GPR158: variants seen among roughly 807,000 people sequenced by gnomAD.
GPR158 encodes G protein-coupled receptor 158.
Under a neutral mutation model 78.2 loss-of-function variants are expected in GPR158, and 30 were observed. The observed-to-expected ratio is 0.38, with a 90% CI of 0.29 to 0.52. The LOEUF is 0.52. GPR158 is among the 20% of genes least tolerant of loss of function. The pLI, the probability that GPR158 is intolerant of heterozygous loss-of-function variation, is 0.83. For synonymous variants in GPR158, 581 were observed against 591.1 expected (o/e 0.98, Z 0.25); for missense variants, 1,463 against 1,523.5 (o/e 0.96, Z 0.66).
At chr10:25,477,480 A>G (rs142571640) in intron 5 of GPR158, among the ~76,000 whole-genome samples, 14 of 152,186 alleles carry the variant, frequency 9.2e-5, no homozygotes, top group Non-Finnish European at 1.6e-4. Flanking sequence ...CAACCCTGCA[A>G]TCTGCGTTTT....
intron 2 of GPR158, among the ~76,000 whole-genome samples, chr10:25,372,328 T>C (rs1834007465): frequency 6.6e-6 from 1 of 151,854 alleles, no homozygotes; most frequent in East Asian, 2.0e-4. Flanking sequence ...GAACTAGAAA[T>C]ACCATTTGAC....
chr10:25,530,780 A>C (rs182721421), intron 5 of GPR158, among the ~76,000 whole-genome samples: 53 of 152,322 alleles, frequency 3.5e-4, no homozygotes, highest in African/African-American at 1.2e-3. Flanking sequence ...ACTCCTTCTC[A>C]GTCACTCTCT....
At chr10:25,589,206 A>G (rs1837309519) in intron 8 of GPR158, 61 bp downstream of exon 8, 2 of 1,219,282 alleles carry the variant, frequency 1.6e-6, no homozygotes, top group African/African-American at 1.5e-5. Flanking sequence ...TGCTGTTTAA[A>G]TAACAAAATT....
chr10:25,383,056 G>C (rs1754254), intron 2 of GPR158, among the ~76,000 whole-genome samples: 97,990 of 151,868 alleles, frequency 0.65, 32,574 homozygotes, highest in Non-Finnish European at 0.73. Context: ...AGGCTGGTCT[G>C]GAACACCTGA....
chr10:25,421,791 T>C (rs1361990101), intron 4 of GPR158, among the ~76,000 whole-genome samples: 1 of 152,142 alleles, frequency 6.6e-6, no homozygotes, highest in Non-Finnish European at 1.5e-5. Context: ...ATTTTTTCCT[T>C]TTCTCCCCCT....
At chr10:25,534,299 T>G (rs1836462281) in intron 5 of GPR158, among the ~76,000 whole-genome samples, 1 of 152,170 alleles carries the variant, frequency 6.6e-6, no homozygotes, top group Admixed American at 6.5e-5. Flanking sequence ...CCTGACATCT[T>G]CATTCTTCCT....
chr10:25,428,726 C>G lies in GPR158; in HGVS notation c.1335+16253C>G, dbSNP rs183881183. 1.6e-4 allele frequency among the ~76,000 whole-genome samples: 24 copies of G among 151,998 alleles called. No homozygotes were observed. The East Asian group carries it at 4.2e-3, about 27-fold the overall frequency. The stretch of plus-strand genomic sequence containing the variant: ...ACTGCTTTCAGTTCCGTACCTTTGT[C>G]CTTATGGGGGTAAGAAGACAAGTAA... On this transcript the variant is annotated intron_variant, in intron 4 of 10. Transcript: ENST00000376351.
At chr10:25,308,141 TTTTTA>T (rs1210920709) in intron 2 of GPR158, among the ~76,000 whole-genome samples, 2 of 152,186 alleles carry the variant, frequency 1.3e-5, no homozygotes, top group African/African-American at 2.4e-5. Context: ...GGTGCTATCT[TTTTTA>T]TTTTATTATT....
chr10:25,196,234 A>C (rs1302444488), intron 1 of GPR158, among the ~76,000 whole-genome samples: 1 of 151,922 alleles, frequency 6.6e-6, no homozygotes, highest in Non-Finnish European at 1.5e-5. Flanking sequence ...TCCTTTAAAA[A>C]AAAAACTTCT....
At chr10:25,516,917 G>A (rs1836183209) in intron 5 of GPR158, among the ~76,000 whole-genome samples, 1 of 144,516 alleles carries the variant, frequency 6.9e-6, no homozygotes, top group Non-Finnish European at 1.5e-5. Context: ...GAAAGTCATT[G>A]GTAGCTTGAT....
chr10:25,572,611 T>G (rs1301207914), intron 6 of GPR158, 38 bp from the exon 7 acceptor site: 1 of 1,242,752 alleles, frequency 8.0e-7, no homozygotes, highest in East Asian at 2.3e-5. Flanking sequence ...TTTCTGAATG[T>G]TAGGTTTGCT....
chr10:25,295,384 C>G (rs1164552097), intron 2 of GPR158, among the ~76,000 whole-genome samples: 1 of 152,134 alleles, frequency 6.6e-6, no homozygotes, highest in Non-Finnish European at 1.5e-5. Flanking sequence ...GATCATGTCT[C>G]TCTCCTGCTC....
chr10:25,232,697 G>C (rs931785494), intron 2 of GPR158, among the ~76,000 whole-genome samples: 2 of 152,064 alleles, frequency 1.3e-5, no homozygotes, highest in African/African-American at 4.8e-5. Flanking sequence ...GATGATACAA[G>C]CAGAACATGA....
intron 10 of GPR158, 23 bp from the exon 11 acceptor site, chr10:25,597,749 T>A (rs1443092721): frequency 6.7e-7 from 1 of 1,485,778 alleles, no homozygotes; most frequent in Non-Finnish European, 9.0e-7. Context: ...TACACTTCTT[T>A]GAATTTGCTT....
intron 3 of GPR158, among the ~76,000 whole-genome samples, chr10:25,404,445 T>C (rs891176576): frequency 2.0e-5 from 3 of 152,168 alleles, no homozygotes; most frequent in Non-Finnish European, 4.4e-5. Flanking sequence ...TTGCCTTTTA[T>C]ACATGAATAT....
intron 5 of GPR158, among the ~76,000 whole-genome samples, chr10:25,471,387 C>G (rs997603298): frequency 6.6e-6 from 1 of 152,106 alleles, no homozygotes; most frequent in Non-Finnish European, 1.5e-5. Flanking sequence ...GGTTCCAAGT[C>G]TTTGCTATTG....
intron 2 of GPR158, among the ~76,000 whole-genome samples, chr10:25,324,142 T>C (rs1418544581): frequency 6.6e-6 from 1 of 152,262 alleles, no homozygotes; most frequent in East Asian, 1.9e-4. Context: ...TGTAACACTT[T>C]TAATTTCCTT....
chr10:25,290,590 G>C (rs1024188123), intron 2 of GPR158, among the ~76,000 whole-genome samples: 8 of 152,094 alleles, frequency 5.3e-5, no homozygotes, highest in Non-Finnish European at 1.0e-4. Flanking sequence ...CAATATTCAA[G>C]GTAATGATCA....
intron 4 of GPR158, among the ~76,000 whole-genome samples, chr10:25,439,152 G>A (rs1835035365): frequency 6.6e-6 from 1 of 152,112 alleles, no homozygotes; most frequent in Non-Finnish European, 1.5e-5. Flanking sequence ...CCTGAGACTA[G>A]GCAATTTACA....
Sources: allele counts gnomAD v4.1 joint callset (sites outside exome capture counted in the v4.1 genomes callset), GRCh38; gene constraint gnomAD v4.1.1; transcripts MANE v1.5; gene names NCBI Gene and HGNC (gene_info 2026-07-23, HGNC 2026-07-21).